Variants in SLC15A3 observed in about 807,000 individuals in gnomAD.
SLC15A3 encodes the protein solute carrier family 15 member 3, also known as osteoclast transporter.
Under a neutral mutation model 49.2 loss-of-function variants are expected in SLC15A3, and 39 were observed. The ratio of observed to expected loss-of-function variants is 0.79; its 90% CI spans 0.61 to 1.04. SLC15A3 has a LOEUF of 1.04. SLC15A3 is among the 50% of genes least tolerant of loss of function. The pLI, the probability that SLC15A3 is intolerant of heterozygous loss-of-function variation, is 0.00. For missense variants in SLC15A3, 758 were observed against 794.8 expected, an observed-to-expected ratio of 0.95 and a Z score of 0.56; for synonymous variants, 339 against 367.0, an observed-to-expected ratio of 0.92 and a Z score of 0.87.
At chr11:60,943,940 C>T (rs1482733855) in intron 2 of SLC15A3, 104 bp from the exon 3 acceptor site, 1 of 1,180,738 alleles carries the variant, frequency 8.5e-7, no homozygotes, top group Non-Finnish European at 1.1e-6. Flanking sequence ...GGTGGATCAC[C>T]TGAGGTCAGG....
intron 3 of SLC15A3, 69 bp from the exon 4 acceptor site, chr11:60,942,214 T>C (rs1856723281): frequency 1.5e-6 from 2 of 1,334,540 alleles, no homozygotes; most frequent in Non-Finnish European, 2.2e-6. Flanking sequence ...CTAGGTGGCA[T>C]TCCTCAGCGC....
In SLC15A3 at chr11:60,950,961, G is replaced by A. The variant is rs910049198; in HGVS notation, c.558+33C>T. On this transcript the variant is annotated intron_variant, in intron 1 of 7. Coordinates refer to ENST00000227880, the MANE Select transcript of SLC15A3 (RefSeq NM_016582.3). ...AGCCCTCCTTCCCTCCACACCCGCCGGAGTATGCCGGGGCAGGCCTCCTGC... is the reference window on the plus strand; with the variant it reads ...AGCCCTCCTTCCCTCCACACCCGCCAGAGTATGCCGGGGCAGGCCTCCTGC... The A allele has an allele frequency of 8.5e-6, 12 of 1,405,144 alleles. No homozygotes were observed. In the East Asian group the frequency reaches 2.4e-4, roughly 28 times the overall value. The allele number at this position is 1,405,144 out of a possible 1,614,324, so 87.0% of individuals were successfully genotyped here.
intron 5 of SLC15A3, 135 bp from the exon 6 acceptor site, chr11:60,939,773 T>G: frequency 5.1e-6 from 5 of 983,764 alleles, no homozygotes; most frequent in Non-Finnish European, 5.9e-6. Context: ...AAAAGAATGC[T>G]GGACTGGGGG....
chr11:60,937,982 G>A lies in SLC15A3; in HGVS notation c.1479C>T (p.Gly493=), dbSNP rs2905692. The stretch of plus-strand genomic sequence containing the variant: ...GGCAGAAGAAGATGCCCATGATGGC[G>A]CCCTGCATGGAGCGCGGGGCCTCTG... ...AYSEAPRSMQ[G]AIMGIFFCLS... is the part of the protein sequence containing the mutation. The change falls in exon 7 of 8, where the codon GGC becomes GGT. Residue 493 remains glycine (G), a synonymous_variant. Coordinates refer to ENST00000227880, the MANE Select transcript of SLC15A3 (RefSeq NM_016582.3). The A allele has an allele frequency of 1.5e-3, 2,366 of 1,614,082 alleles. 24 individuals carry two copies. The African/African-American group carries it at 0.028, about 19-fold the overall frequency.
At chr11:60,941,987 G>A in intron 4 of SLC15A3, 48 bp downstream of exon 4, 1 of 1,555,720 alleles carries the variant, frequency 6.4e-7, no homozygotes. Context: ...CTCAGAGGAA[G>A]CCGCTACCTG....
At position 60,946,787 on chromosome 11, in the gene SLC15A3, A is replaced by C. The variant is rs751160363; in HGVS notation, c.593T>G (p.Phe198Cys). The C allele has an allele frequency of 1.2e-6, 2 of 1,613,378 alleles. No homozygotes were observed. The highest frequency in any genetic ancestry group is 1.7e-6 in the Non-Finnish European group (2 of 1,179,680). Residue 198 changes from phenylalanine to cysteine, a missense_variant, in exon 2 of 8, where the codon TTC becomes TGC. This residue lies in a region of SLC15A3 where 699 missense variants were observed against 706.7 expected (regional missense o/e 0.99). Coordinates refer to ENST00000227880, the MANE Select transcript of SLC15A3 (RefSeq NM_016582.3). The stretch of plus-strand genomic sequence containing the variant: ...GATGCTCCAGTAAAACCAGTTGAAG[A>C]AGCGGCGGGTGGCGTCGCGGCCGAG... ...MDLGRDATRR[F>C]FNWFYWSINL...
At chr11:60,947,935 A>AT (rs1244026042) in intron 1 of SLC15A3, 1 of 152,172 alleles carries the variant, frequency 6.6e-6, no homozygotes, top group East Asian at 1.9e-4. Flanking sequence ...TTAAAAAAAA[A>AT]GCAGTGAGGA....
At chr11:60,938,669 C>A (rs1182951634) in intron 6 of SLC15A3, among the ~76,000 whole-genome samples, 1 of 152,174 alleles carries the variant, frequency 6.6e-6, no homozygotes, top group Non-Finnish European at 1.5e-5. Context: ...ACCTCCCATG[C>A]CTCTCCAGCC....
chr11:60,940,884 T>C, intron 5 of SLC15A3: 1 of 367,074 alleles, frequency 2.7e-6, no homozygotes, highest in Admixed American at 5.2e-5. Flanking sequence ...GAGCTGATAA[T>C]TCACTGGGGG....
rs756534090 is a variant in SLC15A3, at chr11:60,938,011, A to G, written c.1450T>C (p.Tyr484His). ...FASIPGLEFA[Y>H]SEAPRSMQGA... ...TGCATGGAGCGCGGGGCCTCTGAGT[A>G]GGCAAACTCCAGGCCTGCAGAGGGG... The change falls in exon 7 of 8, where the codon TAC becomes CAC. Residue 484 changes from tyrosine (Y) to histidine (H), a missense_variant. Around this residue, in one of 3 missense-constraint regions of SLC15A3, gnomAD observed 699 missense variants for 706.7 expected, o/e 0.99. Coordinates refer to ENST00000227880, the MANE Select transcript of SLC15A3 (RefSeq NM_016582.3). 6.8e-6 allele frequency: 11 copies of G among 1,613,860 alleles called. No homozygotes were observed. The highest frequency in any genetic ancestry group is 6.7e-5 in the Admixed American group (4 of 59,990).
intron 2 of SLC15A3, among the ~76,000 whole-genome samples, chr11:60,946,167 AT>A (rs1412137498): frequency 1.3e-5 from 2 of 151,774 alleles, no homozygotes; most frequent in Non-Finnish European, 2.9e-5. Flanking sequence ...TAATTTTTGT[AT>A]TTTTTTGTAG....
Position 60,937,867 on chromosome 11 carries a change from C to T in SLC15A3, c.1591+3G>A, listed in dbSNP as rs1352853624. On this transcript the variant is annotated splice_donor_region_variant and intron_variant, in intron 7 of 7. Transcript: ENST00000227880. ...CCCACTCCTGGGGAGGCCCCATACT[C>T]ACCAAAGTCCTTGGGGCAGTGCAGC... 6.2e-7 allele frequency: 1 copy of T among 1,613,648 alleles called. No individual in the cohort carries two copies. The highest frequency in any genetic ancestry group is 8.5e-7 in the Non-Finnish European group (1 of 1,179,780).
intron 1 of SLC15A3, among the ~76,000 whole-genome samples, chr11:60,948,810 G>A (rs1043025654): frequency 5.9e-5 from 9 of 152,248 alleles, no homozygotes; most frequent in East Asian, 3.9e-4. Flanking sequence ...TTGATGCCAC[G>A]GGAGGCTCTG....
At chr11:60,950,198 A>G (rs1041271661) in intron 1 of SLC15A3, among the ~76,000 whole-genome samples, 1 of 152,222 alleles carries the variant, frequency 6.6e-6, no homozygotes, top group African/African-American at 2.4e-5. Flanking sequence ...GGATCTGAGC[A>G]AGTCGGCCTG....
chr11:60,943,727 TGACGG>T lies in SLC15A3; in HGVS notation c.953_957del (p.Pro318HisfsTer153). Reference sequence around the variant, plus strand: ...ATCCAGTAGGGCACCAGGGTCACCATGACGGGCAAGATCTTCACCAGCACCTGGAA... The same window carrying T: ...ATCCAGTAGGGCACCAGGGTCACCATGCAAGATCTTCACCAGCACCTGGAA... On this transcript the variant is annotated frameshift_variant, in exon 3 of 8. Transcript: ENST00000227880. LOFTEE classifies it high-confidence loss of function. 3.7e-6 allele frequency: 6 copies of T among 1,602,044 alleles called. No homozygotes were observed. The highest frequency in any genetic ancestry group is 5.1e-6 in the Non-Finnish European group (6 of 1,173,504).
rs1248547381 is a variant in SLC15A3, at chr11:60,949,495, A to AGAAG, written c.558+1498_558+1499insCTTC. ...GAAAGAGAAAGAAAGGAAGAAAGAA[A>AGAAG]GAAAGAAGGAAAGAAAGAAAGAAAG... On this transcript the variant is annotated intron_variant, in intron 1 of 7. Coordinates refer to ENST00000227880, the MANE Select transcript of SLC15A3 (RefSeq NM_016582.3). Among the ~76,000 whole-genome samples the AGAAG allele has an allele frequency of 1.0e-3, 141 of 138,188 alleles. 1 individual carries two copies. Among genetic ancestry groups the AGAAG allele is most frequent in the Middle Eastern group, 3.6e-3 (1 of 274 alleles). 90.7% of individuals were successfully genotyped at this position (138,188 alleles called of 152,430 possible).
intron 1 of SLC15A3, among the ~76,000 whole-genome samples, chr11:60,950,130 A>C (rs1318629179): frequency 6.6e-6 from 1 of 152,208 alleles, no homozygotes; most frequent in Non-Finnish European, 1.5e-5. Context: ...CAGGCAGCCC[A>C]TTCAGGATAT....
At chr11:60,950,513 C>T (rs1437020805) in intron 1 of SLC15A3, among the ~76,000 whole-genome samples, 2 of 152,080 alleles carry the variant, frequency 1.3e-5, no homozygotes, top group African/African-American at 2.4e-5. Context: ...ACCTGCCTGG[C>T]GTGGTGGCTC....
intron 6 of SLC15A3, among the ~76,000 whole-genome samples, chr11:60,938,743 C>T (rs1007378853): frequency 2.0e-5 from 3 of 152,154 alleles, no homozygotes; most frequent in African/African-American, 4.8e-5. Context: ...CCTGTAAGAC[C>T]GCTCCTCCTA....
Sources: allele counts gnomAD v4.1 joint callset (sites outside exome capture counted in the v4.1 genomes callset), GRCh38; gene constraint gnomAD v4.1.1; regional missense constraint gnomAD v4.1.1; transcripts MANE v1.5; gene names NCBI Gene and HGNC (gene_info 2026-07-23, HGNC 2026-07-21).